The following MEGF10 variants were observed in gnomAD, a reference collection of about 807,000 sequenced individuals.
MEGF10 encodes the protein multiple EGF like domains 10, also known as multiple epidermal growth factor-like domains protein 10.
MEGF10 carries 86 observed loss-of-function variants against 147.5 expected under a neutral mutation model. The ratio of observed to expected loss-of-function variants is 0.58; its 90% CI spans 0.49 to 0.70. The LOEUF is 0.70. Among genes scored for constraint, MEGF10 ranks in the 30% least tolerant of loss-of-function variants. MEGF10 has a pLI of 0.00. For missense variants in MEGF10, 1,329 were observed against 1,487.3 expected (o/e 0.89, Z 1.75); for synonymous variants, 478 against 525.5 (o/e 0.91, Z 1.24).
At chr5:127,297,730 A>G (rs1215957766) in intron 1 of MEGF10, among the ~76,000 whole-genome samples, 4 of 152,234 alleles carry the variant, frequency 2.6e-5, no homozygotes, top group Non-Finnish European at 5.9e-5. Flanking sequence ...GCCCATCCCC[A>G]TAGTACTATC....
upstream of MEGF10, among the ~76,000 whole-genome samples, chr5:127,289,800 T>C (rs1365357420): frequency 6.6e-6 from 1 of 152,150 alleles, no homozygotes; most frequent in Non-Finnish European, 1.5e-5. Flanking sequence ...TTCTTATTAA[T>C]GGGAGGAAGA....
intron 5 of MEGF10, among the ~76,000 whole-genome samples, chr5:127,378,691 A>T (rs1763127188): frequency 6.6e-6 from 1 of 152,102 alleles, no homozygotes; most frequent in Admixed American, 6.5e-5. Context: ...GGCTCAAGAG[A>T]TCCTCCTGCC....
chr5:127,273,386 CT>C, the MEGF10 span, among the ~76,000 whole-genome samples: 1 of 152,224 alleles, frequency 6.6e-6, no homozygotes, highest in Non-Finnish European at 1.5e-5. Flanking sequence ...GTTGTTTCCC[CT>C]CATCAGTCCC....
At chr5:127,231,879 A>G in the MEGF10 span, among the ~76,000 whole-genome samples, 1 of 152,236 alleles carries the variant, frequency 6.6e-6, no homozygotes, top group Non-Finnish European at 1.5e-5. Context: ...GAGAGCCTAA[A>G]CAGACTGAGA....
At chr5:127,410,258 A>G in intron 8 of MEGF10, 131 bp from the exon 9 acceptor site, 2 of 764,318 alleles carry the variant, frequency 2.6e-6, no homozygotes, top group Non-Finnish European at 4.4e-6. Flanking sequence ...GTGTAATGGG[A>G]CAATCACTAA....
At chr5:127,273,785 C>G in the MEGF10 span, among the ~76,000 whole-genome samples, 2 of 151,924 alleles carry the variant, frequency 1.3e-5, no homozygotes, top group Non-Finnish European at 2.9e-5. Context: ...TTTGGAAGGC[C>G]AAAGAACTAA....
the MEGF10 span, among the ~76,000 whole-genome samples, chr5:127,269,558 G>A: frequency 6.6e-6 from 1 of 152,148 alleles, no homozygotes; most frequent in Non-Finnish European, 1.5e-5. Flanking sequence ...AAAAAGAAAT[G>A]AACAAAGCCT....
chr5:127,437,732 C>T (rs1025327463), intron 16 of MEGF10, among the ~76,000 whole-genome samples: 7 of 152,120 alleles, frequency 4.6e-5, no homozygotes, highest in African/African-American at 1.7e-4. Context: ...AGAGTTTTTA[C>T]AAGGAAACCA....
At chr5:127,396,802 C>G (rs767448320) in intron 6 of MEGF10, 24 bp downstream of exon 6, 2 of 1,598,466 alleles carry the variant, frequency 1.3e-6, no homozygotes, top group Non-Finnish European at 1.7e-6. Context: ...TGCCCAGCAG[C>G]AGAGCAGAGC....
At chr5:127,285,818 A>G (rs1580661451), upstream of MEGF10, among the ~76,000 whole-genome samples, 2 of 152,146 alleles carry the variant, frequency 1.3e-5, no homozygotes, top group African/African-American at 4.8e-5. Flanking sequence ...TGGGTATTTA[A>G]TCAAAGGAAG....
At position 127,420,272 on chromosome 5, in the gene MEGF10, C is replaced by A. The variant is rs537655949; in HGVS notation, c.1590+65C>A. 8 of 1,552,678 alleles carry A rather than the reference C, an allele frequency of 5.2e-6. No individual in the cohort carries two copies. In the African/African-American group the frequency reaches 1.1e-4, roughly 21 times the overall value. ...GGAACTGATGTTGTAAAGTTGGCTT[C>A]TTTTTGCATTTTTCCTGACTTCAAG... On this transcript the variant is annotated intron_variant, in intron 12 of 24. Coordinates refer to ENST00000503335, the MANE Select transcript of MEGF10 (RefSeq NM_001256545.2).
In MEGF10 at chr5:127,439,280, C is replaced by G. The variant is rs1580872151; in HGVS notation, c.2233+713C>G. On this transcript the variant is annotated intron_variant, in intron 17 of 24. Transcript: ENST00000503335. ...ATCATTGGGGAAGGAAGATCATTCT[C>G]TGACCTCTTACCTTCGGTTGAATAA... 2.0e-5 allele frequency among the ~76,000 whole-genome samples: 3 copies of G among 152,336 alleles called. No individual in the cohort carries two copies. The South Asian group carries it at 6.2e-4, about 32-fold the overall frequency.
At chr5:127,364,180 T>G (rs1424380280) in intron 4 of MEGF10, among the ~76,000 whole-genome samples, 1 of 152,208 alleles carries the variant, frequency 6.6e-6, no homozygotes, top group Non-Finnish European at 1.5e-5. Flanking sequence ...CAACCATTTT[T>G]AGTATATTCA....
rs142554087 is a variant in MEGF10 at position 127,399,737 on chromosome 5, C to T, written c.780+941C>T. Among the ~76,000 whole-genome samples the T allele has an allele frequency of 3.6e-3, 543 of 152,224 alleles. 2 individuals are homozygous for T. The highest frequency in any genetic ancestry group is 0.012 in the African/African-American group (486 of 41,526). On this transcript the variant is annotated intron_variant, in intron 7 of 24. Coordinates refer to ENST00000503335, the MANE Select transcript of MEGF10 (RefSeq NM_001256545.2). Reference sequence around the variant, plus strand: ...TTGCCTTCTATTTTTCTAATCATCCCGTCTCTTACCTTTCATACTAAAGAT... The same window carrying T: ...TTGCCTTCTATTTTTCTAATCATCCTGTCTCTTACCTTTCATACTAAAGAT...
intron 1 of MEGF10, among the ~76,000 whole-genome samples, chr5:127,300,908 CA>C (rs1759737368): frequency 1.3e-5 from 2 of 152,210 alleles, no homozygotes; most frequent in South Asian, 2.1e-4. Flanking sequence ...GAATCTAAAA[CA>C]AATGCACCTC....
At chr5:127,387,749 A>C (rs994483971) in intron 5 of MEGF10, among the ~76,000 whole-genome samples, 2 of 152,244 alleles carry the variant, frequency 1.3e-5, no homozygotes, top group African/African-American at 4.8e-5. Context: ...TATCTAACTC[A>C]TTGAGTTATT....
rs1379700329 is a variant in MEGF10 at position 127,362,826 on chromosome 5, G to T, written c.320-7084G>T. On this transcript the variant is annotated intron_variant, in intron 4 of 24. Coordinates refer to ENST00000503335, the MANE Select transcript of MEGF10 (RefSeq NM_001256545.2). Reference sequence around the variant, plus strand: ...ATGTAGTTAGATTTGATTTCTTCTTGTCCTGTTTTTTGTTCTCATTTTTCT... The same window carrying T: ...ATGTAGTTAGATTTGATTTCTTCTTTTCCTGTTTTTTGTTCTCATTTTTCT... 2.6e-5 allele frequency among the ~76,000 whole-genome samples: 4 copies of T among 152,078 alleles called. No individual in the cohort carries two copies. The East Asian group carries it at 7.7e-4, about 29-fold the overall frequency.
the MEGF10 span, among the ~76,000 whole-genome samples, chr5:127,265,094 T>A: frequency 1.2e-4 from 19 of 152,092 alleles, no homozygotes; most frequent in Non-Finnish European, 2.5e-4. Flanking sequence ...CAGGCCCCAG[T>A]GTGTGATGTT....
intron 12 of MEGF10, 92 bp from the exon 13 acceptor site, chr5:127,422,578 T>G (rs1765054200): frequency 1.1e-6 from 1 of 905,066 alleles, no homozygotes; most frequent in Non-Finnish European, 1.8e-6. Context: ...AGCAGGGTAC[T>G]GTATGTGAAA....
Sources: allele counts gnomAD v4.1 joint callset (sites outside exome capture counted in the v4.1 genomes callset), GRCh38; gene constraint gnomAD v4.1.1; transcripts MANE v1.5; gene names NCBI Gene and HGNC (gene_info 2026-07-23, HGNC 2026-07-21).